CTTNBP2: variants seen among roughly 807,000 people sequenced by gnomAD.
CTTNBP2 encodes cortactin-binding protein 2.
CTTNBP2 carries 108 observed loss-of-function variants against 156.9 expected under a neutral mutation model. The ratio of observed to expected loss-of-function variants is 0.69; its 90% CI spans 0.59 to 0.81. The LOEUF (loss-of-function observed/expected upper bound fraction) is 0.81, where lower values mean the gene tolerates loss of function less well. CTTNBP2 is among the 30% of genes least tolerant of loss of function. The pLI, the probability that CTTNBP2 is intolerant of heterozygous loss-of-function variation, is 0.00. For missense variants in CTTNBP2, 1,924 were observed against 2,035.4 expected (o/e 0.95, Z 1.05); for synonymous variants, 767 against 751.8 (o/e 1.02, Z -0.33).
At position 117,791,695 on chromosome 7, in the gene CTTNBP2, T is replaced by C. The variant is rs762647874; in HGVS notation, c.1501A>G (p.Ser501Gly). 1 of 1,614,204 alleles carries C rather than the reference T, an allele frequency of 6.2e-7. No individual in the cohort carries two copies. ...CTTGAGGGAGCACCTGCTTGAGGGC[T>C]TGTAAATCTTGACAGTGCTTGGGTC... Reference protein sequence around the residue: ...TVTQALSRFTSPQAGAPSRPG... With the variant: ...TVTQALSRFTGPQAGAPSRPG... Residue 501 changes from serine (S) to glycine (G), a missense_variant, in exon 4 of 23, where the codon AGC (serine) becomes GGC (glycine). Coordinates refer to ENST00000160373, the MANE Select transcript of CTTNBP2 (RefSeq NM_033427.3).
At chr7:117,736,970 A>G (rs1382892291) in intron 14 of CTTNBP2, among the ~76,000 whole-genome samples, 2 of 152,194 alleles carry the variant, frequency 1.3e-5, no homozygotes, top group Non-Finnish European at 2.9e-5. Flanking sequence ...TATAGACACA[A>G]TGCATTTTCA....
At chr7:117,749,809 G>C (rs1425346368) in intron 12 of CTTNBP2, among the ~76,000 whole-genome samples, 2 of 151,988 alleles carry the variant, frequency 1.3e-5, no homozygotes, top group African/African-American at 4.8e-5. Flanking sequence ...TACTCTATTA[G>C]TCTTAATGAT....
intron 3 of CTTNBP2, among the ~76,000 whole-genome samples, chr7:117,794,246 A>G (rs952524866): frequency 7.9e-5 from 12 of 152,186 alleles, no homozygotes; most frequent in Non-Finnish European, 1.6e-4. Flanking sequence ...CTAGGGAAGC[A>G]TCTGTCATGA....
chr7:117,773,010 T>A (rs902255910), intron 8 of CTTNBP2, among the ~76,000 whole-genome samples: 13 of 152,060 alleles, frequency 8.5e-5, no homozygotes, highest in Non-Finnish European at 1.6e-4. Context: ...AACAATTTTT[T>A]AAAAAAATTA....
intron 2 of CTTNBP2, among the ~76,000 whole-genome samples, chr7:117,844,264 C>A (rs1034555424): frequency 6.6e-6 from 1 of 152,134 alleles, no homozygotes; most frequent in Non-Finnish European, 1.5e-5. Context: ...ACCTCCAGAA[C>A]TGTTAAGATA....
Position 117,725,094 on chromosome 7 carries a change from G to C in CTTNBP2, c.4219C>G (p.Leu1407Val), listed in dbSNP as rs778511552. The C allele has an allele frequency of 1.9e-6, 3 of 1,612,778 alleles. No individual in the cohort carries two copies. In the African/African-American group the frequency reaches 4.0e-5, roughly 22 times the overall value. ...AVVKAALSIL[L>V]NKAVLHGCPL... ...CAGCCATGCAGTACAGCTTTATTTA[G>C]CAAGATGCTGAGAGCAGCTTTGACC... Residue 1407 changes from leucine (L) to valine (V), a missense_variant, in exon 18 of 23, where the codon CTA becomes GTA. By Grantham distance (32) the Leu-to-Val change is conservative. Transcript: ENST00000160373.
intron 20 of CTTNBP2, among the ~76,000 whole-genome samples, chr7:117,720,555 A>G (rs1794726898): frequency 6.6e-6 from 1 of 152,088 alleles, no homozygotes; most frequent in Non-Finnish European, 1.5e-5. Flanking sequence ...TTAGCCAGGC[A>G]CGGTGGCAGG....
At chr7:117,738,523 G>C (rs1795830273) in intron 14 of CTTNBP2, among the ~76,000 whole-genome samples, 3 of 152,166 alleles carry the variant, frequency 2.0e-5, no homozygotes, top group Admixed American at 1.3e-4. Context: ...AGAATGAAAA[G>C]GCATTTTGAG....
intron 11 of CTTNBP2, 66 bp from the exon 12 acceptor site, chr7:117,756,700 A>T: frequency 2.0e-6 from 2 of 1,025,338 alleles, no homozygotes; most frequent in Non-Finnish European, 3.1e-6. Context: ...TCAAAACACA[A>T]CAGAATCTAT....
rs116337978 is a variant in CTTNBP2 at position 117,770,675 on chromosome 7, C to G, written c.2779-3499G>C. Among the ~76,000 whole-genome samples the G allele has an allele frequency of 3.5e-3, 540 of 152,274 alleles. 6 individuals carry two copies. The highest frequency in any genetic ancestry group is 0.012 in the African/African-American group (505 of 41,552). ...AAGTTCCATGTCTCAGGGAGGAGTG[C>G]AAAGTGTCCTGATACACTCAGAAAA... is the stretch of plus-strand genomic sequence containing the variant. On this transcript the variant is annotated intron_variant, in intron 8 of 22. Coordinates refer to ENST00000160373, the MANE Select transcript of CTTNBP2 (RefSeq NM_033427.3).
At chr7:117,866,041 C>G (rs1201237612) in intron 1 of CTTNBP2, among the ~76,000 whole-genome samples, 1 of 151,060 alleles carries the variant, frequency 6.6e-6, no homozygotes, top group Non-Finnish European at 1.5e-5. Flanking sequence ...CTGTTCAACA[C>G]TGTAGTTTTG....
chr7:117,779,768 T>C (rs564839646), intron 7 of CTTNBP2, among the ~76,000 whole-genome samples: 2 of 151,578 alleles, frequency 1.3e-5, no homozygotes, highest in Non-Finnish European at 2.9e-5. Flanking sequence ...TATATGTATA[T>C]ATATTTTTTG....
intron 17 of CTTNBP2, among the ~76,000 whole-genome samples, chr7:117,725,956 T>C (rs531438606): frequency 2.6e-5 from 4 of 152,286 alleles, no homozygotes; most frequent in South Asian, 2.1e-4. Context: ...CCCAAAGTGC[T>C]GGGATTGCAG....
At chr7:117,836,061 T>C (rs1801914786) in intron 2 of CTTNBP2, among the ~76,000 whole-genome samples, 1 of 152,206 alleles carries the variant, frequency 6.6e-6, no homozygotes, top group Admixed American at 6.5e-5. Flanking sequence ...GGGAATAGGA[T>C]AATTGATATC....
At chr7:117,766,734 T>A (rs942403020) in intron 9 of CTTNBP2, among the ~76,000 whole-genome samples, 1 of 152,216 alleles carries the variant, frequency 6.6e-6, no homozygotes, top group Non-Finnish European at 1.5e-5. Context: ...AGTACATAGC[T>A]GGGATTTTTC....
At chr7:117,827,060 T>C (rs1403736222) in intron 2 of CTTNBP2, among the ~76,000 whole-genome samples, 2 of 152,052 alleles carry the variant, frequency 1.3e-5, no homozygotes, top group Non-Finnish European at 2.9e-5. Context: ...GGTTTCACCA[T>C]GTTGGGCAGG....
intron 2 of CTTNBP2, among the ~76,000 whole-genome samples, chr7:117,860,078 A>G (rs1043498105): frequency 5.9e-5 from 9 of 152,208 alleles, no homozygotes; most frequent in African/African-American, 1.4e-4. Context: ...TCATATGTAC[A>G]TTAAATTAGA....
At chr7:117,729,670 CTTTT>C (rs528368303) in intron 16 of CTTNBP2, among the ~76,000 whole-genome samples, 1 of 149,156 alleles carries the variant, frequency 6.7e-6, no homozygotes, top group Non-Finnish European at 1.5e-5. Flanking sequence ...AATTGCCTTC[CTTTT>C]TTTTTTCTTT....
chr7:117,737,045 ATGCT>A (rs1795744286), intron 14 of CTTNBP2, among the ~76,000 whole-genome samples: 1 of 152,192 alleles, frequency 6.6e-6, no homozygotes. Flanking sequence ...GCTCTTCTGG[ATGCT>A]ATGAAAATTT....
Sources: gnomAD v4.1 joint callset for allele counts (sites outside exome capture counted in the v4.1 genomes callset) on GRCh38, gnomAD v4.1.1 for gene constraint, MANE v1.5 for transcripts, NCBI Gene and HGNC (gene_info 2026-07-23, HGNC 2026-07-21) for gene names.